AGBL1: variants seen among roughly 807,000 people sequenced by gnomAD.
AGBL1 encodes the protein cytosolic carboxypeptidase 4.
Under a neutral mutation model 118.9 loss-of-function variants are expected in AGBL1, and 130 were observed. The ratio of observed to expected loss-of-function variants is 1.09; its 90% CI spans 0.95 to 1.26. The LOEUF (loss-of-function observed/expected upper bound fraction) is 1.26. Among genes scored for constraint, AGBL1 ranks in the 50% most tolerant of loss-of-function variants. AGBL1 has a pLI of 0.00. For missense variants in AGBL1, 1,584 were observed against 1,298.1 expected (o/e 1.22, Z -3.38); for synonymous variants, 555 against 478.9 (o/e 1.16, Z -2.08).
At chr15:86,538,185 CTGT>C (rs1567046246) in intron 19 of AGBL1, among the ~76,000 whole-genome samples, 2 of 152,142 alleles carry the variant, frequency 1.3e-5, no homozygotes, top group African/African-American at 4.8e-5. Context: ...CAAGACTGAT[CTGT>C]AAGTAAAGGC....
Position 86,513,340 on chromosome 15 carries a change from A to G in AGBL1, c.2556-9470A>G, listed in dbSNP as rs929625372. On this transcript the variant is annotated intron_variant, in intron 18 of 22. Coordinates refer to ENST00000614907, the MANE Select transcript of AGBL1 (RefSeq NM_001386094.1). ...TTTGTCTGATGTTTCCTCATTATTA[A>G]ATAGTGGCTTTGTATTTCTGGCAAG... 2.0e-5 allele frequency among the ~76,000 whole-genome samples: 3 copies of G among 151,970 alleles called. No individual in the cohort carries two copies. The East Asian group carries it at 5.8e-4, about 29-fold the overall frequency.
At position 86,279,649 on chromosome 15, in the gene AGBL1, C is replaced by T. The variant is rs148822619; in HGVS notation, c.2086C>T (p.Arg696Cys). The T allele has an allele frequency of 5.8e-4, 940 of 1,613,190 alleles. 18 individuals are homozygous for T. In the East Asian group the frequency reaches 0.018, roughly 30 times the overall value. Residue 696 changes from arginine (R) to cysteine (C), a missense_variant, in exon 16 of 23, where the codon CGC becomes TGC. Transcript: ENST00000614907. ...HEICYYKNHY[R>C]QSTAVAGGAS... ...CTCCTCTCTCTTTAGAAATCATTAT[C>T]GCCAGAGTACAGCTGTTGCAGGCGG... is the stretch of plus-strand genomic sequence containing the variant.
At chr15:86,186,222 G>C (rs1478091552) in intron 5 of AGBL1, among the ~76,000 whole-genome samples, 1 of 152,106 alleles carries the variant, frequency 6.6e-6, no homozygotes, top group Non-Finnish European at 1.5e-5. Flanking sequence ...GGGACTTGCA[G>C]GGGGCGGGGC....
At chr15:86,398,673 A>C (rs16976763) in intron 18 of AGBL1, among the ~76,000 whole-genome samples, 48,327 of 151,962 alleles carry the variant, frequency 0.32, 8,439 homozygotes, top group East Asian at 0.71. Flanking sequence ...ATGATGTAAG[A>C]AAGATGAAAT....
intron 5 of AGBL1, among the ~76,000 whole-genome samples, chr15:86,223,167 C>G (rs2078305774): frequency 6.6e-6 from 1 of 152,098 alleles, no homozygotes. Flanking sequence ...CTGTCCCTCC[C>G]CACCACTAGT....
intron 17 of AGBL1, among the ~76,000 whole-genome samples, chr15:86,353,445 TGAAAG>T (rs2080663581): frequency 1.3e-5 from 2 of 152,118 alleles, no homozygotes; most frequent in Non-Finnish European, 1.5e-5. Context: ...CATTTCCTAA[TGAAAG>T]GAAAAGAGAG....
chr15:87,019,744 A>T (rs2081643129), intron 24 of AGBL1, among the ~76,000 whole-genome samples: 1 of 152,062 alleles, frequency 6.6e-6, no homozygotes, highest in South Asian at 2.1e-4. Flanking sequence ...AATCCAAAAC[A>T]TTGCAAAAGA....
intron 17 of AGBL1, among the ~76,000 whole-genome samples, chr15:86,393,863 C>A (rs1317606516): frequency 6.6e-6 from 1 of 152,028 alleles, no homozygotes; most frequent in Non-Finnish European, 1.5e-5. Flanking sequence ...GAGGGTAGTG[C>A]CCTCATAAAT....
rs190974571 is a variant in AGBL1, at chr15:86,432,016, C to T, written c.2555+34470C>T. 3.9e-5 allele frequency among the ~76,000 whole-genome samples: 6 copies of T among 152,234 alleles called. No homozygotes were observed. The East Asian group carries it at 1.2e-3, about 30-fold the overall frequency. ...AGGGACTCACCTGTTATCCTCCCAT[C>T]CTTCTGCTAAGGTGGGGCCCTTGTG... On this transcript the variant is annotated intron_variant, in intron 18 of 22. Transcript: ENST00000614907.
At chr15:86,798,276 A>G (rs191959771) in intron 22 of AGBL1, among the ~76,000 whole-genome samples, 2 of 152,302 alleles carry the variant, frequency 1.3e-5, no homozygotes, top group Admixed American at 1.3e-4. Context: ...AACTCTGACT[A>G]CTAAGGAGTC....
At chr15:86,833,627 A>C (rs1285042092) in intron 22 of AGBL1, among the ~76,000 whole-genome samples, 3 of 152,168 alleles carry the variant, frequency 2.0e-5, no homozygotes, top group Non-Finnish European at 4.4e-5. Context: ...ATGAAAACGA[A>C]CTAATACAGT....
intron 23 of AGBL1, among the ~76,000 whole-genome samples, chr15:86,970,014 G>T (rs1233559930): frequency 2.0e-5 from 3 of 151,860 alleles, no homozygotes; most frequent in Admixed American, 2.0e-4. Context: ...GGTCGTAGCT[G>T]CTTTACAGGG....
intron 22 of AGBL1, among the ~76,000 whole-genome samples, chr15:86,683,250 A>G (rs554120084): frequency 1.1e-3 from 163 of 151,482 alleles, no homozygotes; most frequent in Middle Eastern, 3.4e-3. Flanking sequence ...TTTCTGGGTA[A>G]GTTTTAAAAC....
intron 5 of AGBL1, among the ~76,000 whole-genome samples, chr15:86,159,495 G>A (rs546859627): frequency 1.5e-4 from 23 of 152,100 alleles, no homozygotes; most frequent in Non-Finnish European, 3.1e-4. Flanking sequence ...TCTGGCATGA[G>A]TTCTGGGCCT....
intron 23 of AGBL1, among the ~76,000 whole-genome samples, chr15:86,925,170 A>AGGAGGAGGAG (rs1463207680): frequency 4.7e-4 from 2 of 4,250 alleles, no homozygotes; most frequent in Non-Finnish European, 8.8e-4. Flanking sequence ...AGGAGGAGGA[A>AGGAGGAGGAG]GAGGAAGAGG....
At chr15:86,927,419 T>C (rs1460688666) in intron 23 of AGBL1, among the ~76,000 whole-genome samples, 5 of 98,282 alleles carry the variant, frequency 5.1e-5, no homozygotes, top group Admixed American at 3.0e-4. Flanking sequence ...GGAGACCCCA[T>C]CTTTACAAAA....
At chr15:86,397,756 C>T (rs79859146) in intron 18 of AGBL1, among the ~76,000 whole-genome samples, 3,673 of 152,228 alleles carry the variant, frequency 0.024, 61 homozygotes, top group Middle Eastern at 0.068. Context: ...ATAGAATTGA[C>T]GCCTAGGCAG....
At chr15:86,123,246 T>A (rs1898199989) in intron 1 of AGBL1, among the ~76,000 whole-genome samples, 1 of 152,204 alleles carries the variant, frequency 6.6e-6, no homozygotes, top group East Asian at 1.9e-4. Context: ...TTTTTTTTGT[T>A]GTTGTCGTTT....
In AGBL1 at chr15:86,413,551, T is replaced by C. The variant is rs193045504; in HGVS notation, c.2555+16005T>C. Among the ~76,000 whole-genome samples, 481 of 152,278 alleles carry C rather than the reference T, an allele frequency of 3.2e-3. 1 individual carries two copies. The highest frequency in any genetic ancestry group is 0.011 in the African/African-American group (454 of 41,576). On this transcript the variant is annotated intron_variant, in intron 18 of 22. Transcript: ENST00000614907. ...CAACATCTGTTATTTTTTAATCTTT[T>C]TAATAGTAGCCATTCTGAATGGTAT...
Sources: gnomAD v4.1 joint callset for allele counts (sites outside exome capture counted in the v4.1 genomes callset) on GRCh38, gnomAD v4.1.1 for gene constraint, MANE v1.5 for transcripts, NCBI Gene and HGNC (gene_info 2026-07-23, HGNC 2026-07-21) for gene names.